The following CTNNA2 variants were observed in gnomAD, a reference collection of about 807,000 sequenced individuals.
The protein encoded by CTNNA2 is catenin alpha-2.
A neutral mutation model predicts 101.0 loss-of-function variants in CTNNA2; 42 were observed. That is an observed-to-expected ratio of 0.42 (90% CI 0.32 to 0.54). CTNNA2 has a LOEUF of 0.54. Among genes scored for constraint, CTNNA2 ranks in the 20% least tolerant of loss-of-function variants. The pLI, the probability that CTNNA2 is intolerant of heterozygous loss-of-function variation, is 0.14. For synonymous variants in CTNNA2, 450 were observed against 456.4 expected (o/e 0.99, Z 0.18); for missense variants, 871 against 1,223.1 (o/e 0.71, Z 4.29).
intron 1 of CTNNA2, among the ~76,000 whole-genome samples, chr2:79,187,265 C>CTTTTTTTTTTTTT (rs1156460356): frequency 4.8e-5 from 4 of 83,400 alleles, no homozygotes; most frequent in African/African-American, 1.2e-4. Flanking sequence ...CTTTTCTTTT[C>CTTTTTTTTTTTTT]TTTTCTTTTT....
intron 7 of CTNNA2, among the ~76,000 whole-genome samples, chr2:80,105,660 G>A (rs1411387584): frequency 6.6e-6 from 1 of 152,034 alleles, no homozygotes. Flanking sequence ...AGCCTAGGAG[G>A]TGGAGGCTGC....
intron 7 of CTNNA2, among the ~76,000 whole-genome samples, chr2:80,211,513 G>T (rs1382104572): frequency 3.3e-5 from 5 of 152,292 alleles, no homozygotes; most frequent in Admixed American, 3.3e-4. Flanking sequence ...GTTTGTCAAA[G>T]ATCAGATGGT....
intron 7 of CTNNA2, among the ~76,000 whole-genome samples, chr2:80,352,062 C>G (rs10169173): frequency 0.011 from 1,604 of 152,254 alleles, 25 homozygotes; most frequent in African/African-American, 0.036. Flanking sequence ...GTGGAACCCT[C>G]ATTCACCTTG....
chr2:79,388,849 G>C (rs1316568479), intron 4 of CTNNA2, among the ~76,000 whole-genome samples: 1 of 150,906 alleles, frequency 6.6e-6, no homozygotes, highest in African/African-American at 2.4e-5. Flanking sequence ...ACTTTAACAG[G>C]TATTCCATAT....
intron 4 of CTNNA2, among the ~76,000 whole-genome samples, chr2:79,425,006 G>A (rs1312207014): frequency 6.6e-6 from 1 of 152,094 alleles, no homozygotes; most frequent in Admixed American, 6.6e-5. Context: ...TGGGCAGCTG[G>A]TAGTAAAATA....
At chr2:79,347,018 C>A (rs551898641) in intron 3 of CTNNA2, among the ~76,000 whole-genome samples, 6 of 152,208 alleles carry the variant, frequency 3.9e-5, no homozygotes, top group Admixed American at 3.9e-4. Context: ...ATGATGAGTT[C>A]AATTAAAGTC....
chr2:79,394,144 G>T (rs207461938), intron 4 of CTNNA2, among the ~76,000 whole-genome samples: 1 of 152,070 alleles, frequency 6.6e-6, no homozygotes, highest in Non-Finnish European at 1.5e-5. Context: ...CATTAAATCT[G>T]CACTCAAGGC....
At chr2:79,733,773 A>C (rs879670220) in intron 2 of CTNNA2, among the ~76,000 whole-genome samples, 29 of 152,194 alleles carry the variant, frequency 1.9e-4, no homozygotes, top group African/African-American at 7.0e-4. Flanking sequence ...CCTGCATCTC[A>C]CCATCGACTA....
intron 4 of CTNNA2, among the ~76,000 whole-genome samples, chr2:79,416,470 G>A (rs1312001089): frequency 1.3e-5 from 2 of 151,916 alleles, no homozygotes; most frequent in South Asian, 4.1e-4. Context: ...ATCACTGGCT[G>A]TAGACATCAG....
chr2:79,533,565 CA>C (rs1288213330), intron 1 of CTNNA2, among the ~76,000 whole-genome samples: 1 of 152,008 alleles, frequency 6.6e-6, no homozygotes, highest in African/African-American at 2.4e-5. Context: ...AAATAATATA[CA>C]ATTTTGTAAT....
At chr2:80,275,361 T>G (rs1673814599) in intron 7 of CTNNA2, among the ~76,000 whole-genome samples, 1 of 152,222 alleles carries the variant, frequency 6.6e-6, no homozygotes, top group East Asian at 1.9e-4. Context: ...TTTTAATTCT[T>G]TGCATGATTA....
At chr2:79,415,863 T>C (rs1488871436) in intron 4 of CTNNA2, among the ~76,000 whole-genome samples, 1 of 152,162 alleles carries the variant, frequency 6.6e-6, no homozygotes, top group East Asian at 1.9e-4. Context: ...GTGTATGAAT[T>C]ATCAGTCTTA....
chr2:79,829,605 A>G (rs887823065), intron 3 of CTNNA2, among the ~76,000 whole-genome samples: 1 of 152,002 alleles, frequency 6.6e-6, no homozygotes, highest in African/African-American at 2.4e-5. Context: ...ACCTTCCCCT[A>G]TAAAGTGTCT....
intron 9 of CTNNA2, among the ~76,000 whole-genome samples, chr2:80,472,219 AC>A (rs1685368120): frequency 6.6e-6 from 1 of 152,146 alleles, no homozygotes; most frequent in Non-Finnish European, 1.5e-5. Flanking sequence ...CAAGAGAGTT[AC>A]TATGAGAGCC....
intron 9 of CTNNA2, among the ~76,000 whole-genome samples, chr2:80,517,843 C>T (rs150980327): frequency 6.6e-5 from 10 of 152,282 alleles, no homozygotes; most frequent in Non-Finnish European, 1.3e-4. Context: ...ACTTGGTCTG[C>T]ATGATTACTT....
chr2:80,205,016 G>A (rs145624991), intron 7 of CTNNA2, among the ~76,000 whole-genome samples: 2,686 of 152,184 alleles, frequency 0.018, 45 homozygotes, highest in Non-Finnish European at 0.031. Flanking sequence ...GACAAGAACA[G>A]CATGAGAAAG....
intron 7 of CTNNA2, among the ~76,000 whole-genome samples, chr2:79,949,188 A>G (rs1688710833): frequency 6.6e-6 from 1 of 152,144 alleles, no homozygotes; most frequent in African/African-American, 2.4e-5. Context: ...TTCAAGTCTC[A>G]ATAGGATAAT....
intron 7 of CTNNA2, chr2:80,163,007 G>A: frequency 1.9e-6 from 3 of 1,555,290 alleles, no homozygotes; most frequent in Non-Finnish European, 2.7e-6. Context: ...ATTGAATTTT[G>A]ATAGGCCTTC....
intron 16 of CTNNA2, among the ~76,000 whole-genome samples, chr2:80,604,720 A>C (rs1697853345): frequency 6.6e-6 from 1 of 151,984 alleles, no homozygotes; most frequent in Non-Finnish European, 1.5e-5. Flanking sequence ...AAGGAGAGAA[A>C]AGAGCAACCT....
Sources: gnomAD v4.1 joint callset for allele counts (sites outside exome capture counted in the v4.1 genomes callset) on GRCh38, gnomAD v4.1.1 for gene constraint, MANE v1.5 for transcripts, NCBI Gene and HGNC (gene_info 2026-07-23, HGNC 2026-07-21) for gene names.